The following DGKI variants were observed in gnomAD, a reference collection of about 807,000 sequenced individuals.
DGKI encodes the protein diacylglycerol kinase iota, also known as DAG kinase iota.
In DGKI, 55 loss-of-function variants were observed where a neutral mutation model predicts 147.5. The ratio of observed to expected loss-of-function variants is 0.37; its 90% CI spans 0.30 to 0.47. The LOEUF (loss-of-function observed/expected upper bound fraction) is 0.47, where lower values mean the gene tolerates loss of function less well. DGKI is among the 20% of genes least tolerant of loss of function. DGKI has a pLI of 1.00. For synonymous variants in DGKI, 469 were observed against 477.1 expected (o/e 0.98, Z 0.22); for missense variants, 1,007 against 1,323.8 (o/e 0.76, Z 3.71).
chr7:137,599,636 C>T (rs535532687), intron 11 of DGKI, among the ~76,000 whole-genome samples, 187 bp downstream of exon 11: 10 of 152,152 alleles, frequency 6.6e-5, no homozygotes, highest in South Asian at 6.2e-4. Context: ...AGATATGTTT[C>T]GAAGGGAACT....
chr7:137,473,216 T>C (rs1220240521), intron 23 of DGKI, among the ~76,000 whole-genome samples: 2 of 152,144 alleles, frequency 1.3e-5, no homozygotes, highest in East Asian at 1.9e-4. Context: ...TTTTGATCCA[T>C]AGATGGAAAT....
chr7:137,836,410 G>A (rs987040802), intron 1 of DGKI, among the ~76,000 whole-genome samples: 26 of 152,320 alleles, frequency 1.7e-4, no homozygotes, highest in African/African-American at 6.0e-4. Flanking sequence ...AAGACTTGCA[G>A]CTCAAACAGG....
chr7:137,678,681 AT>A (rs201882786), intron 2 of DGKI, 29 bp from the exon 3 acceptor site: 481 of 1,496,768 alleles, frequency 3.2e-4, no homozygotes, highest in Admixed American at 4.3e-4. Context: ...CCTGACATCA[AT>A]TTTTTTTTTC....
intron 1 of DGKI, among the ~76,000 whole-genome samples, chr7:137,808,963 A>ACC: frequency 6.6e-6 from 1 of 151,990 alleles, no homozygotes; most frequent in East Asian, 1.9e-4. Context: ...CAAACTCCAC[A>ACC]CCCCCCCAGG....
At chr7:137,429,251 T>A (rs1812958820) in intron 28 of DGKI, among the ~76,000 whole-genome samples, 1 of 150,824 alleles carries the variant, frequency 6.6e-6, no homozygotes, top group Admixed American at 6.6e-5. Flanking sequence ...TAACACCACA[T>A]ATCTACAACT....
chr7:137,650,426 T>C (rs552877581), intron 5 of DGKI, among the ~76,000 whole-genome samples: 3 of 152,336 alleles, frequency 2.0e-5, no homozygotes, highest in African/African-American at 4.8e-5. Context: ...CAATATGCTA[T>C]GTATTTAAAG....
At chr7:137,472,425 AT>A in intron 23 of DGKI, among the ~76,000 whole-genome samples, 1 of 94,000 alleles carries the variant, frequency 1.1e-5, no homozygotes, top group Non-Finnish European at 2.4e-5. Flanking sequence ...ACATATACAT[AT>A]TATATGTACA....
At chr7:137,401,631 G>A (rs1051436022) in intron 30 of DGKI, among the ~76,000 whole-genome samples, 1 of 152,146 alleles carries the variant, frequency 6.6e-6, no homozygotes, top group African/African-American at 2.4e-5. Flanking sequence ...CAGACACTAT[G>A]CCATCTCCCC....
intron 27 of DGKI, among the ~76,000 whole-genome samples, chr7:137,459,384 T>C (rs1464638569): frequency 6.6e-6 from 1 of 152,086 alleles, no homozygotes; most frequent in African/African-American, 2.4e-5. Context: ...CTTGCAGGTA[T>C]ATTTCTTTCT....
intron 21 of DGKI, among the ~76,000 whole-genome samples, chr7:137,494,694 G>A (rs1815894359): frequency 1.3e-5 from 2 of 152,036 alleles, no homozygotes; most frequent in South Asian, 4.1e-4. Flanking sequence ...GAAAGGAAAG[G>A]TCATTACTGG....
At chr7:137,423,929 A>T (rs1585099903) in intron 28 of DGKI, among the ~76,000 whole-genome samples, 1 of 152,208 alleles carries the variant, frequency 6.6e-6, no homozygotes, top group African/African-American at 2.4e-5. Context: ...GCAGCTTTAC[A>T]TAGGTATACA....
Position 137,465,968 on chromosome 7 carries a change from A to T in DGKI, c.2552T>A (p.Val851Glu). 1 of 1,614,162 alleles carries T rather than the reference A, an allele frequency of 6.2e-7. No individual in the cohort carries two copies. The highest frequency in any genetic ancestry group is 1.3e-5 in the African/African-American group (1 of 75,054). The part of the protein sequence containing the change: ...EIFILDPDMV[V>E]SQPAGTPPGM... ...CGGAGGTGTCCCCGCCGGCTGTGAC[A>T]CCACCATATCTGGGTCCAGAATAAA... The change falls in exon 26 of 33, where the codon GTG becomes GAG. Residue 851 changes from valine to glutamate, a missense_variant. By Grantham distance (121) the Val-to-Glu change is moderately radical. Around this residue, in one of 5 missense-constraint regions of DGKI, gnomAD observed 385 missense variants for 445.2 expected, o/e 0.86. Coordinates refer to ENST00000614521, the MANE Select transcript of DGKI (RefSeq NM_001321708.2).
In DGKI at chr7:137,745,779, T is replaced by C. The variant is rs1316279099; in HGVS notation, c.402-55777A>G. On this transcript the variant is annotated intron_variant, in intron 1 of 32. Coordinates refer to ENST00000614521, the MANE Select transcript of DGKI (RefSeq NM_001321708.2). ...ATGAGAGTTCTCAGCTTAAAAAGGA[T>C]AGAAAAAAAAACATATGCTGAGGTT... is the stretch of plus-strand genomic sequence containing the variant. 2.0e-5 allele frequency among the ~76,000 whole-genome samples: 3 copies of C among 151,634 alleles called. No individual in the cohort carries two copies. In the South Asian group the frequency reaches 6.2e-4, roughly 31 times the overall value.
intron 1 of DGKI, among the ~76,000 whole-genome samples, chr7:137,735,923 T>C (rs556125951): frequency 6.6e-5 from 10 of 152,158 alleles, no homozygotes; most frequent in African/African-American, 2.4e-4. Flanking sequence ...GTCAGTGACA[T>C]TGCATGCTTT....
At chr7:137,809,427 A>G (rs1797490651) in intron 1 of DGKI, among the ~76,000 whole-genome samples, 1 of 152,150 alleles carries the variant, frequency 6.6e-6, no homozygotes, top group Non-Finnish European at 1.5e-5. Flanking sequence ...ATTGGGCAGG[A>G]TATGTGCCTA....
chr7:137,663,747 T>C (rs1270037843), intron 3 of DGKI, among the ~76,000 whole-genome samples: 1 of 152,116 alleles, frequency 6.6e-6, no homozygotes, highest in Non-Finnish European at 1.5e-5. Flanking sequence ...CCAGAAGCCA[T>C]GGGGTTCAAA....
intron 21 of DGKI, among the ~76,000 whole-genome samples, chr7:137,511,616 A>T (rs2128947874): frequency 6.6e-6 from 1 of 152,334 alleles, no homozygotes; most frequent in South Asian, 2.1e-4. Flanking sequence ...TAGGTGTTCA[A>T]TAGATCGTTG....
intron 1 of DGKI, among the ~76,000 whole-genome samples, chr7:137,754,902 G>A (rs542517188): frequency 3.9e-5 from 6 of 152,258 alleles, no homozygotes; most frequent in African/African-American, 1.2e-4. Flanking sequence ...AATATCACAC[G>A]TGATGGAACT....
chr7:137,845,135 C>A (rs1226956912), intron 1 of DGKI, among the ~76,000 whole-genome samples: 2 of 152,212 alleles, frequency 1.3e-5, no homozygotes, highest in Non-Finnish European at 2.9e-5. Context: ...TCCCTCAGCG[C>A]ACAGCGAACA....
Sources: gnomAD v4.1 joint callset for allele counts (sites outside exome capture counted in the v4.1 genomes callset) on GRCh38, gnomAD v4.1.1 for gene constraint, gnomAD v4.1.1 regional missense constraint, MANE v1.5 for transcripts, NCBI Gene and HGNC (gene_info 2026-07-23, HGNC 2026-07-21) for gene names.